CUX1: variants seen among roughly 807,000 people sequenced by gnomAD.
The protein encoded by CUX1 is cut like homeobox 1, also known as protein CASP.
CUX1 carries 31 observed loss-of-function variants against 158.8 expected under a neutral mutation model. That is an observed-to-expected ratio of 0.20 (90% confidence interval 0.15 to 0.26). The LOEUF is 0.26. CUX1 is among the 10% of genes least tolerant of loss of function. The pLI is 1.00. For missense variants in CUX1, 1,589 were observed against 2,014.6 expected, an observed-to-expected ratio of 0.79 and a Z score of 4.04; for synonymous variants, 879 against 862.1, an observed-to-expected ratio of 1.02 and a Z score of -0.34.
chr7:102,269,819 GC>G (rs3077415), intron 14 of CUX1, among the ~76,000 whole-genome samples: 1 of 151,546 alleles, frequency 6.6e-6, no homozygotes, highest in African/African-American at 2.4e-5. Context: ...CTTCTTCCAT[GC>G]CCCCCCCAAA....
intron 2 of CUX1, among the ~76,000 whole-genome samples, chr7:101,962,251 CT>C (rs1270567062): frequency 1.3e-5 from 2 of 152,202 alleles, no homozygotes; most frequent in African/African-American, 2.4e-5. Context: ...TGCAATTCAT[CT>C]TGCCTTAATC....
At chr7:101,978,327 C>G (rs1812977338) in intron 2 of CUX1, among the ~76,000 whole-genome samples, 1 of 152,216 alleles carries the variant, frequency 6.6e-6, no homozygotes, top group Non-Finnish European at 1.5e-5. Context: ...CCTGTCACCT[C>G]GGGAAATGGC....
intron 10 of CUX1, among the ~76,000 whole-genome samples, chr7:102,171,689 C>A (rs1240487481): frequency 1.3e-5 from 2 of 152,094 alleles, no homozygotes; most frequent in African/African-American, 2.4e-5. Flanking sequence ...CTTAAGTGAT[C>A]CTCCTGCCTC....
chr7:102,055,296 T>C (rs1824008179), intron 3 of CUX1, among the ~76,000 whole-genome samples: 1 of 152,228 alleles, frequency 6.6e-6, no homozygotes, highest in Non-Finnish European at 1.5e-5. Context: ...CTTTGTTGCA[T>C]TGAGCTCCAC....
At chr7:102,278,127 G>A (rs1170622859) in intron 18 of CUX1, 2 of 1,258,502 alleles carry the variant, frequency 1.6e-6, no homozygotes, top group Non-Finnish European at 2.3e-6. Context: ...GCCGATCAGG[G>A]CTCTGGAGAT....
chr7:102,195,715 C>T, intron 14 of CUX1, 112 bp downstream of exon 14: 1 of 961,228 alleles, frequency 1.0e-6, no homozygotes, highest in Non-Finnish European at 1.5e-6. Flanking sequence ...AGAGAAGCGC[C>T]GGTTGACGAG....
chr7:102,027,828 C>G (rs1473011451), intron 2 of CUX1, among the ~76,000 whole-genome samples: 1 of 152,192 alleles, frequency 6.6e-6, no homozygotes, highest in Non-Finnish European at 1.5e-5. Flanking sequence ...TGCCACTGTG[C>G]TCCAGCCTGG....
At chr7:102,210,673 T>G (rs78276896) in intron 20 of CUX1, among the ~76,000 whole-genome samples, 1 of 152,304 alleles carries the variant, frequency 6.6e-6, no homozygotes, top group Non-Finnish European at 1.5e-5. Flanking sequence ...TCCTGGCGTG[T>G]TAGGAATGAT....
chr7:101,906,398 A>G (rs1327687579), intron 1 of CUX1, among the ~76,000 whole-genome samples: 1 of 151,450 alleles, frequency 6.6e-6, no homozygotes, highest in East Asian at 2.0e-4. Flanking sequence ...GAGAGAAAGG[A>G]AAGGTTTCCA....
chr7:102,201,363 A>G lies in CUX1; in HGVS notation c.2066A>G (p.Glu689Gly). ...KRELQVQKTA[E>G]PAQPSSASGS... ...TCACCCCTGTTTCTCCATGCAGCAGAGCCGGCCCAGCCTTCCTCCGCATCC... is the reference window on the plus strand; with the variant it reads ...TCACCCCTGTTTCTCCATGCAGCAGGGCCGGCCCAGCCTTCCTCCGCATCC... Residue 689 changes from glutamate (E) to glycine (G), a missense_variant, in exon 18 of 24, where the codon GAG (glutamate) becomes GGG (glycine). Glu to Gly is a moderately conservative substitution (Grantham distance 98, BLOSUM62 -2). Around this residue, in one of 8 missense-constraint regions of CUX1, gnomAD observed 337 missense variants for 409.3 expected, o/e 0.82. Transcript: ENST00000292535. The surrounding 1 kb of genome is among the most constrained non-coding windows in gnomAD (Gnocchi z 5.0). 6.2e-7 allele frequency: 1 copy of G among 1,612,870 alleles called. No individual in the cohort carries two copies. Among genetic ancestry groups the G allele is most frequent in the Non-Finnish European group, 8.5e-7 (1 of 1,179,380 alleles).
At chr7:102,020,331 G>C (rs569257344) in intron 2 of CUX1, among the ~76,000 whole-genome samples, 1 of 152,122 alleles carries the variant, frequency 6.6e-6, no homozygotes, top group African/African-American at 2.4e-5. Context: ...GGGAAGTGAC[G>C]GTTTCAGTAT....
At chr7:102,221,162 C>G (rs1797757008) in intron 20 of CUX1, among the ~76,000 whole-genome samples, 1 of 152,180 alleles carries the variant, frequency 6.6e-6, no homozygotes, top group South Asian at 2.1e-4. Flanking sequence ...AAAGCCGAAA[C>G]CATGGACAGA....
chr7:101,816,823 G>A, upstream of CUX1: 2 of 636,002 alleles, frequency 3.1e-6, no homozygotes, highest in Non-Finnish European at 3.8e-6. Flanking sequence ...AGGCGCCCGC[G>A]CTCGCTACCC....
chr7:102,088,000 C>T (rs1828126813), intron 4 of CUX1, among the ~76,000 whole-genome samples: 2 of 142,082 alleles, frequency 1.4e-5, no homozygotes, highest in African/African-American at 5.7e-5. Context: ...TTAATCTCAC[C>T]CTTTTTTTTT....
intron 20 of CUX1, among the ~76,000 whole-genome samples, chr7:102,207,261 A>G (rs1324588271): frequency 6.6e-6 from 1 of 152,174 alleles, no homozygotes; most frequent in Non-Finnish European, 1.5e-5. Context: ...AGAAGTTGCC[A>G]GTGGTTTTTG....
chr7:101,932,482 G>A (rs536297132), intron 2 of CUX1: 60 of 421,488 alleles, frequency 1.4e-4, no homozygotes, highest in African/African-American at 1.2e-3. Flanking sequence ...GCTTACGAGC[G>A]CAGCATTTTC....
chr7:102,135,602 C>CA (rs1833820966), intron 8 of CUX1, among the ~76,000 whole-genome samples: 1 of 151,480 alleles, frequency 6.6e-6, no homozygotes, highest in South Asian at 2.1e-4. Flanking sequence ...TACACACACA[C>CA]AAAAAATAAT....
rs10533217 is a variant in CUX1, at chr7:102,026,818, T to TA, written c.142-1254dup. On this transcript the variant is annotated intron_variant, in intron 2 of 23. Coordinates refer to ENST00000292535, the MANE Select transcript of CUX1 (RefSeq NM_181552.4). ...CTAGGCAACAGTGAGACTCCGTCTT[T>TA]AAAAAAAAAAAAAAAAAAAAAAAAA... 9.4e-3 allele frequency among the ~76,000 whole-genome samples: 904 copies of TA among 96,318 alleles called. 10 individuals carry two copies. Among genetic ancestry groups the TA allele is most frequent in the East Asian group, 0.019 (60 of 3,204 alleles). The allele number at this position is 96,318 out of a possible 152,430, so 63.2% of individuals were successfully genotyped here.
chr7:102,150,874 A>G (rs1835570077), intron 8 of CUX1, among the ~76,000 whole-genome samples: 1 of 152,262 alleles, frequency 6.6e-6, no homozygotes, highest in Non-Finnish European at 1.5e-5. Flanking sequence ...GGGCAGGTTA[A>G]TAGATCAGTG....
Sources: gnomAD v4.1 joint callset for allele counts (sites outside exome capture counted in the v4.1 genomes callset) on GRCh38, gnomAD v4.1.1 for gene constraint, gnomAD v4.1.1 regional missense constraint, Gnocchi (gnomAD v3.1) non-coding constraint, MANE v1.5 for transcripts, NCBI Gene and HGNC (gene_info 2026-07-23, HGNC 2026-07-21) for gene names.